CACNA2D3: variants seen among roughly 807,000 people sequenced by gnomAD.
CACNA2D3 encodes calcium voltage-gated channel auxiliary subunit alpha2delta 3.
CACNA2D3 carries 60 observed loss-of-function variants against 160.6 expected under a neutral mutation model. The ratio of observed to expected loss-of-function variants is 0.37; its 90% CI spans 0.30 to 0.46. The LOEUF is 0.46. Among genes scored for constraint, CACNA2D3 ranks in the 20% least tolerant of loss-of-function variants. The pLI, the probability that CACNA2D3 is intolerant of heterozygous loss-of-function variation, is 1.00. For missense variants in CACNA2D3, 1,205 were observed against 1,365.0 expected, an observed-to-expected ratio of 0.88 and a Z score of 1.85; for synonymous variants, 558 against 492.9, an observed-to-expected ratio of 1.13 and a Z score of -1.75.
intron 12 of CACNA2D3, among the ~76,000 whole-genome samples, chr3:54,755,875 A>C (rs1701960154): frequency 6.6e-6 from 1 of 151,924 alleles, no homozygotes; most frequent in African/African-American, 2.4e-5. Flanking sequence ...TTCTTCCATC[A>C]GCTAGTATGC....
chr3:54,852,980 C>T (rs911144187), intron 17 of CACNA2D3, among the ~76,000 whole-genome samples: 28 of 140,940 alleles, frequency 2.0e-4, no homozygotes, highest in Non-Finnish European at 3.5e-4. Flanking sequence ...TATGCAATTC[C>T]GCAACTGAGG....
At chr3:54,190,410 C>A (rs367582968) in intron 2 of CACNA2D3, among the ~76,000 whole-genome samples, 3 of 152,192 alleles carry the variant, frequency 2.0e-5, no homozygotes, top group African/African-American at 7.2e-5. Flanking sequence ...AGTTTAGGAC[C>A]TACTGATGGT....
intron 11 of CACNA2D3, among the ~76,000 whole-genome samples, chr3:54,697,259 C>A (rs970226646): frequency 6.6e-6 from 1 of 152,144 alleles, no homozygotes; most frequent in African/African-American, 2.4e-5. Context: ...ACCTGGATGA[C>A]AGAGACCCCA....
chr3:54,797,972 ATAT>A (rs1159946698), intron 13 of CACNA2D3, among the ~76,000 whole-genome samples: 5 of 152,226 alleles, frequency 3.3e-5, no homozygotes, highest in Non-Finnish European at 5.9e-5. Context: ...CTGCTTTGTA[ATAT>A]TATATTTCAT....
chr3:54,338,467 C>CTCTGTGTGTGTGTGTGTGTGTGTGTG (rs996617901), intron 3 of CACNA2D3, among the ~76,000 whole-genome samples: 52 of 136,526 alleles, frequency 3.8e-4, no homozygotes, highest in African/African-American at 1.3e-3. Flanking sequence ...TCTCCCCTCC[C>CTCTGTGTGTGTGTGTGTGTGTGTGTG]TGTGTGTGTG....
chr3:54,813,119 C>T (rs1703362535), intron 13 of CACNA2D3, among the ~76,000 whole-genome samples: 1 of 152,164 alleles, frequency 6.6e-6, no homozygotes, highest in Non-Finnish European at 1.5e-5. Flanking sequence ...AAACCCACAG[C>T]ACACCACAAC....
intron 11 of CACNA2D3, among the ~76,000 whole-genome samples, chr3:54,690,935 T>C (rs1299164474): frequency 2.0e-5 from 3 of 152,172 alleles, no homozygotes; most frequent in Non-Finnish European, 4.4e-5. Flanking sequence ...CTTTTTACCC[T>C]ATGATTGATT....
chr3:54,629,985 T>C (rs929982211), intron 10 of CACNA2D3, among the ~76,000 whole-genome samples: 9 of 151,432 alleles, frequency 5.9e-5, no homozygotes, highest in Non-Finnish European at 1.2e-4. Context: ...CTGAGAAGCC[T>C]GACTCAGCCA....
At position 54,783,572 on chromosome 3, in the gene CACNA2D3, C is replaced by T. The variant is rs553803629; in HGVS notation, c.1380+19221C>T. Among the ~76,000 whole-genome samples, 6 of 152,104 alleles carry T rather than the reference C, an allele frequency of 3.9e-5. No individual in the cohort carries two copies. The East Asian group carries it at 1.2e-3, about 29-fold the overall frequency. On this transcript the variant is annotated intron_variant, in intron 13 of 37. Coordinates refer to ENST00000474759, the MANE Select transcript of CACNA2D3 (RefSeq NM_018398.3). ...AGTGAGCCGAGATCGTGCCACTGCA[C>T]TCCAGCCTGGGTGACCGAGTAAGAC... is the stretch of plus-strand genomic sequence containing the variant.
intron 13 of CACNA2D3, among the ~76,000 whole-genome samples, chr3:54,769,987 C>A (rs936710609): frequency 6.6e-6 from 1 of 152,084 alleles, no homozygotes; most frequent in Non-Finnish European, 1.5e-5. Flanking sequence ...ACCTTTCACC[C>A]CAACACCCTT....
At chr3:54,853,057 T>C (rs1297027363) in intron 17 of CACNA2D3, among the ~76,000 whole-genome samples, 1 of 152,102 alleles carries the variant, frequency 6.6e-6, no homozygotes, top group African/African-American at 2.4e-5. Flanking sequence ...ATTCTCATGC[T>C]CAACTCTTCT....
chr3:54,954,630 A>G (rs972401273), intron 27 of CACNA2D3, among the ~76,000 whole-genome samples: 1 of 152,180 alleles, frequency 6.6e-6, no homozygotes, highest in East Asian at 1.9e-4. Flanking sequence ...TGGAGAAGAC[A>G]GGGTGCAGAG....
chr3:54,931,122 T>C (rs1430664018), intron 27 of CACNA2D3, among the ~76,000 whole-genome samples: 1 of 152,076 alleles, frequency 6.6e-6, no homozygotes, highest in Non-Finnish European at 1.5e-5. Flanking sequence ...CAAAGTGGCA[T>C]CTCTTACTAG....
intron 29 of CACNA2D3, among the ~76,000 whole-genome samples, chr3:54,971,747 A>G (rs1467724196): frequency 1.3e-5 from 2 of 152,320 alleles, no homozygotes; most frequent in East Asian, 3.9e-4. Context: ...GACTGCTTTC[A>G]CAGGCAGTCT....
chr3:54,795,150 C>T (rs1702841965), intron 13 of CACNA2D3, among the ~76,000 whole-genome samples: 1 of 152,066 alleles, frequency 6.6e-6, no homozygotes, highest in African/African-American at 2.4e-5. Flanking sequence ...ATTACTTCTT[C>T]TGCCATGTCT....
intron 4 of CACNA2D3, among the ~76,000 whole-genome samples, chr3:54,391,946 T>C (rs561292898): frequency 8.5e-5 from 13 of 152,316 alleles, no homozygotes; most frequent in Admixed American, 7.8e-4. Context: ...ATTGGGTCAA[T>C]TTTCAGTCAT....
At chr3:54,745,737 A>G (rs1701742358) in intron 11 of CACNA2D3, among the ~76,000 whole-genome samples, 1 of 152,212 alleles carries the variant, frequency 6.6e-6, no homozygotes, top group Admixed American at 6.5e-5. Flanking sequence ...CTTCACCTTA[A>G]CAAAACACAT....
At chr3:54,348,725 G>T (rs1698499714) in intron 3 of CACNA2D3, among the ~76,000 whole-genome samples, 1 of 152,044 alleles carries the variant, frequency 6.6e-6, no homozygotes, top group Non-Finnish European at 1.5e-5. Flanking sequence ...TGTGACTGTT[G>T]TTTTTTTATT....
At chr3:54,460,973 T>G (rs1366473334) in intron 4 of CACNA2D3, among the ~76,000 whole-genome samples, 11 of 152,014 alleles carry the variant, frequency 7.2e-5, no homozygotes, top group African/African-American at 2.4e-4. Context: ...TTCTTGAGAG[T>G]TTTTAGCATG....
Sources: gnomAD v4.1 joint callset for allele counts (sites outside exome capture counted in the v4.1 genomes callset) on GRCh38, gnomAD v4.1.1 for gene constraint, MANE v1.5 for transcripts, NCBI Gene and HGNC (gene_info 2026-07-23, HGNC 2026-07-21) for gene names.